The following TMEM234 variants were observed in gnomAD, a reference collection of about 807,000 sequenced individuals.
TMEM234 encodes the protein chromosome 1 open reading frame 91.
TMEM234 carries 21 observed loss-of-function variants against 17.8 expected under a neutral mutation model. The ratio of observed to expected loss-of-function variants is 1.18; its 90% CI spans 0.84 to 1.70. TMEM234 has a LOEUF of 1.70. TMEM234 is among the 40% of genes most tolerant of loss of function. The pLI, the probability that TMEM234 is intolerant of heterozygous loss-of-function variation, is 0.00. For missense variants in TMEM234, 137 were observed against 166.9 expected, an observed-to-expected ratio of 0.82 and a Z score of 0.99; for synonymous variants, 83 against 73.5, an observed-to-expected ratio of 1.13 and a Z score of -0.66.
chr1:32,215,162 C>G, downstream of TMEM234: 1 of 631,380 alleles, frequency 1.6e-6, no homozygotes, highest in African/African-American at 1.8e-5. Flanking sequence ...CCAGCTGCCC[C>G]CGTCTGTATA....
At chr1:32,218,528 C>T (rs1226815231) in intron 3 of TMEM234, among the ~76,000 whole-genome samples, 4 of 151,966 alleles carry the variant, frequency 2.6e-5, no homozygotes, top group Non-Finnish European at 4.4e-5. Context: ...CACAGCCAGG[C>T]GCAGTGGCTC....
Position 32,222,327 on chromosome 1 carries a change from A to C in TMEM234, c.-5T>G. The C allele has an allele frequency of 6.4e-7, 1 of 1,562,190 alleles. No individual in the cohort carries two copies. Among genetic ancestry groups the C allele is most frequent in the Non-Finnish European group, 8.7e-7 (1 of 1,152,104 alleles). ...CCTACCCAGAGACGCCGCCATGGCA[A>C]CGCCGCTGTCTTCTACTTCCGGGAA... is the stretch of plus-strand genomic sequence containing the variant. On this transcript the variant is annotated 5_prime_UTR_variant, in exon 1 of 5. Transcript: ENST00000309777.
intron 3 of TMEM234, chr1:32,217,714 T>A (rs1638533198): frequency 2.4e-6 from 1 of 411,344 alleles, no homozygotes; most frequent in Middle Eastern, 4.6e-4. Context: ...CAGCCACCAT[T>A]TATTAAGCAC....
At chr1:32,217,520 G>A (rs1428220977) in intron 3 of TMEM234, 169 bp from the exon 4 acceptor site, 5 of 1,442,346 alleles carry the variant, frequency 3.5e-6, no homozygotes, top group African/African-American at 1.4e-5. Context: ...CTGACTCCAC[G>A]TTCAGTGCTT....
At position 32,216,347 on chromosome 1, in the gene TMEM234, A is replaced by G; in HGVS notation, c.*506T>C. 6.5e-7 allele frequency: 1 copy of G among 1,547,070 alleles called. No individual in the cohort carries two copies. Among genetic ancestry groups the G allele is most frequent in the Non-Finnish European group, 8.7e-7 (1 of 1,145,356 alleles). On this transcript the variant is annotated 3_prime_UTR_variant, in exon 5 of 5. Coordinates refer to ENST00000309777, the MANE Select transcript of TMEM234 (RefSeq NM_019118.5). ...CATGGGTGGGGCAGGCAAGGCTAAT[A>G]GACAGCTCATTTCCTGCATCTGCCA...
At position 32,216,656 on chromosome 1, in the gene TMEM234, C is replaced by A; in HGVS notation, c.*197G>T. The A allele has an allele frequency of 6.6e-7, 1 of 1,505,814 alleles. No homozygotes were observed. Among genetic ancestry groups the A allele is most frequent in the South Asian group, 1.3e-5 (1 of 77,704 alleles). The allele number at this position is 1,505,814 out of a possible 1,614,324, so 93.3% of individuals were successfully genotyped here. A position where few individuals can be genotyped will look rare whatever the true frequency, so the allele number is the denominator to read the frequency against. On this transcript the variant is annotated 3_prime_UTR_variant, in exon 5 of 5. Transcript: ENST00000309777. The stretch of plus-strand genomic sequence containing the variant: ...AGTCTCCTGTGCTAAATCCCCGCAG[C>A]TGAACAGCACTTGAAGGTTACAAAA...
chr1:32,221,771 G>GAGTA, intron 2 of TMEM234, 96 bp downstream of exon 2: 1 of 1,511,510 alleles, frequency 6.6e-7, no homozygotes, highest in South Asian at 1.2e-5. Flanking sequence ...AATTTCTAGT[G>GAGTA]AGTAAGTGGT....
At chr1:32,215,966 G>A (rs900963936), downstream of TMEM234, 2 of 1,339,470 alleles carry the variant, frequency 1.5e-6, no homozygotes, top group African/African-American at 1.5e-5. Context: ...GCCTCCAGCA[G>A]CTTGTTCCTC....
At chr1:32,217,043 T>G in intron 4 of TMEM234, 96 bp from the exon 5 acceptor site, 1 of 1,586,344 alleles carries the variant, frequency 6.3e-7, no homozygotes. Context: ...GGGTCTGGTC[T>G]TCAATCCCAA....
downstream of TMEM234, chr1:32,215,054 A>T: frequency 3.7e-6 from 1 of 267,368 alleles, no homozygotes; most frequent in Non-Finnish European, 5.5e-6. Context: ...CCGGCACTGG[A>T]AAAAAAAAAA....
chr1:32,215,586 G>A, downstream of TMEM234: 3 of 1,577,484 alleles, frequency 1.9e-6, no homozygotes, highest in Non-Finnish European at 2.6e-6. Context: ...GGTGGGAGGA[G>A]CTCTGAGCTG....
At chr1:32,215,275 G>A, downstream of TMEM234, 1 of 638,008 alleles carries the variant, frequency 1.6e-6, no homozygotes, top group Non-Finnish European at 2.7e-6. Flanking sequence ...GAGGGGATGG[G>A]GGTGGGACCA....
At chr1:32,215,663 A>G (rs1410799282), downstream of TMEM234, 3 of 1,116,974 alleles carry the variant, frequency 2.7e-6, no homozygotes, top group Non-Finnish European at 3.8e-6. Flanking sequence ...ATGATCTCCT[A>G]ACTTCCTACC....
rs1638959066 is a variant in TMEM234, at chr1:32,221,979, C to T, written c.56G>A (p.Gly19Asp). Residue 19 changes from glycine (G) to aspartate (D), a missense_variant, in exon 2 of 5, where the codon GGT becomes GAT. Transcript: ENST00000309777. ...CCGCTTCAGCAGCGGCTGCGTGCCA[C>T]CCCACAGAGCGGCCACCAGCACCAG... ...LALVLVAALW[G>D]GTQPLLKRAS... is the part of the protein sequence containing the mutation. 2 of 1,612,606 alleles carry T rather than the reference C, an allele frequency of 1.2e-6. No homozygotes were observed. The highest frequency in any genetic ancestry group is 1.7e-6 in the Non-Finnish European group (2 of 1,179,814).
chr1:32,221,252 C>G (rs974634806), intron 2 of TMEM234, 55 bp from the exon 3 acceptor site: 8 of 1,350,014 alleles, frequency 5.9e-6, no homozygotes, highest in Non-Finnish European at 4.2e-6. Flanking sequence ...GCAGCACTGC[C>G]TTCTTTGAGC....
chr1:32,214,947 G>A, downstream of TMEM234: 1 of 1,613,770 alleles, frequency 6.2e-7, no homozygotes, highest in Non-Finnish European at 8.5e-7. Flanking sequence ...GGGGTCCCTG[G>A]GGCTCAGGCC....
At chr1:32,220,145 T>TGAA (rs1638762053) in intron 3 of TMEM234, among the ~76,000 whole-genome samples, 1 of 152,174 alleles carries the variant, frequency 6.6e-6, no homozygotes, top group East Asian at 1.9e-4. Flanking sequence ...GGCCAGAGGT[T>TGAA]TTCAAACTCT....
downstream of TMEM234, chr1:32,214,878 C>A (rs1196110438): frequency 2.5e-6 from 4 of 1,613,956 alleles, no homozygotes; most frequent in Non-Finnish European, 3.4e-6. Context: ...CTATGCCAGA[C>A]CCCAGCAGAC....
intron 3 of TMEM234, among the ~76,000 whole-genome samples, chr1:32,218,204 C>G (rs1242067008): frequency 6.6e-6 from 1 of 152,170 alleles, no homozygotes; most frequent in Non-Finnish European, 1.5e-5. Flanking sequence ...GCGGGCGGAT[C>G]ACCTGAGGTC....
Sources: allele counts gnomAD v4.1 joint callset (sites outside exome capture counted in the v4.1 genomes callset), GRCh38; gene constraint gnomAD v4.1.1; transcripts MANE v1.5; gene names NCBI Gene and HGNC (gene_info 2026-07-23, HGNC 2026-07-21).